RUVBL1: variants seen among roughly 807,000 people sequenced by gnomAD.
RUVBL1 encodes the protein RuvB like AAA ATPase 1.
A neutral mutation model predicts 52.4 loss-of-function variants in RUVBL1; 4 were observed. The ratio of observed to expected loss-of-function variants is 0.08; its 90% CI spans 0.04 to 0.17. The LOEUF (loss-of-function observed/expected upper bound fraction) is 0.17. RUVBL1 is among the 10% of genes least tolerant of loss of function. The pLI, the probability that RUVBL1 is intolerant of heterozygous loss-of-function variation, is 1.00. For missense variants in RUVBL1, 298 were observed against 572.8 expected, an observed-to-expected ratio of 0.52 and a Z score of 4.90; for synonymous variants, 217 against 214.4, an observed-to-expected ratio of 1.01 and a Z score of -0.10.
downstream of RUVBL1, among the ~76,000 whole-genome samples, chr3:128,078,336 A>T (rs1942386016): frequency 2.6e-5 from 4 of 152,242 alleles, no homozygotes; most frequent in South Asian, 8.3e-4. Context: ...CAACCCTAAG[A>T]CATGTGGCAG....
At chr3:128,110,832 T>TA (rs1022591238) in intron 3 of RUVBL1, among the ~76,000 whole-genome samples, 2 of 152,228 alleles carry the variant, frequency 1.3e-5, no homozygotes, top group Non-Finnish European at 2.9e-5. Flanking sequence ...TCCAAATTTA[T>TA]AAAAAATACT....
chr3:128,089,926 A>C (rs1439949980), intron 8 of RUVBL1, among the ~76,000 whole-genome samples: 8 of 150,528 alleles, frequency 5.3e-5, no homozygotes, highest in African/African-American at 1.7e-4. Context: ...AAAAAAAAAA[A>C]AAAAAAAAAA....
intron 1 of RUVBL1, among the ~76,000 whole-genome samples, chr3:128,128,878 C>T (rs1463325533): frequency 6.6e-6 from 1 of 152,190 alleles, no homozygotes; most frequent in African/African-American, 2.4e-5. Flanking sequence ...GGCATCTTTA[C>T]TATCTGGGTC....
intron 4 of RUVBL1, 28 bp from the exon 5 acceptor site, chr3:128,101,676 G>A (rs1314439659): frequency 1.9e-6 from 3 of 1,599,116 alleles, no homozygotes; most frequent in Admixed American, 1.7e-5. Context: ...AATCAGAAGT[G>A]TAATACATAT....
At chr3:128,138,453 T>C (rs192309323) in intron 1 of RUVBL1, among the ~76,000 whole-genome samples, 1 of 152,066 alleles carries the variant, frequency 6.6e-6, no homozygotes, top group East Asian at 1.9e-4. Flanking sequence ...GAAAATCCCA[T>C]TTGCAATATC....
chr3:128,153,728 C>T (rs750235500), exon 1 of RUVBL1: 11 of 1,555,332 alleles, frequency 7.1e-6, no homozygotes, highest in Non-Finnish European at 7.8e-6. Flanking sequence ...TTCCAGGCAG[C>T]GCCCGAGGCC....
intron 2 of RUVBL1, among the ~76,000 whole-genome samples, chr3:128,114,616 G>A (rs967356664): frequency 1.2e-4 from 19 of 152,146 alleles, no homozygotes; most frequent in African/African-American, 4.1e-4. Flanking sequence ...AGCACCTGGG[G>A]CTCAAGGCAG....
chr3:128,145,936 T>C (rs1944096950), intron 1 of RUVBL1, among the ~76,000 whole-genome samples: 1 of 152,158 alleles, frequency 6.6e-6, no homozygotes. Flanking sequence ...CTATATGCAC[T>C]GTGCTAAACC....
rs181447402 is a variant in RUVBL1 at position 128,142,641 on chromosome 3, C to T, written c.-40+10562G>A. The stretch of plus-strand genomic sequence containing the variant: ...AGGGCCACGTTCCTTTCCAGGGATT[C>T]TGGGGAAGAATCCATTTTCTCGCCT... On this transcript the variant is annotated intron_variant, in intron 1 of 9. Coordinates refer to the RUVBL1 transcript ENST00000464873. Among the ~76,000 whole-genome samples the T allele has an allele frequency of 5.9e-5, 9 of 152,286 alleles. No individual in the cohort carries two copies. In the East Asian group the frequency reaches 1.4e-3, roughly 23 times the overall value.
intron 3 of RUVBL1, among the ~76,000 whole-genome samples, chr3:128,111,128 G>T (rs1201662982): frequency 6.6e-6 from 1 of 151,576 alleles, no homozygotes; most frequent in African/African-American, 2.4e-5. Context: ...AGGAGGCTGA[G>T]GCACGAGAAT....
rs1245546654 is a variant in RUVBL1 at position 128,097,320 on chromosome 3, G to A, written c.996C>T (p.Asn332=). Reference sequence around the variant, plus strand: ...CCTACCTGATGACACAGTTGCCTCGGTTGGATGCAAAGATGACGATGGGAG... The same window carrying A: ...CCTACCTGATGACACAGTTGCCTCGATTGGATGCAAAGATGACGATGGGAG... The part of the protein sequence containing the change: ...SIAPIVIFAS[N]RGNCVIRGTE... Residue 332 remains asparagine (N), a synonymous_variant, in exon 8 of 11, where the codon AAC becomes AAT. Coordinates refer to ENST00000322623, the MANE Select transcript of RUVBL1 (RefSeq NM_003707.3). 1.2e-6 allele frequency: 2 copies of A among 1,614,216 alleles called. No individual in the cohort carries two copies. The highest frequency in any genetic ancestry group is 2.7e-5 in the African/African-American group (2 of 75,056).
intron 2 of RUVBL1, among the ~76,000 whole-genome samples, chr3:128,113,513 T>C (rs908572779): frequency 3.9e-5 from 6 of 152,224 alleles, no homozygotes; most frequent in African/African-American, 1.4e-4. Context: ...TGGTATAAAA[T>C]GGCAGGGTAT....
chr3:128,150,791 C>CTATATATTATATATTCTATATATTA (rs1944179724), intron 1 of RUVBL1, among the ~76,000 whole-genome samples: 1 of 69,806 alleles, frequency 1.4e-5, no homozygotes, highest in Non-Finnish European at 2.6e-5. Context: ...TATATATATT[C>CTATATATTATATATTCTATATATTA]TATATATTAT....
At chr3:128,069,683 G>A (rs1353898844) in intron 9 of RUVBL1, 3 of 1,610,182 alleles carry the variant, frequency 1.9e-6, no homozygotes, top group Non-Finnish European at 2.5e-6. Flanking sequence ...CGGACAGGTT[G>A]AGGAAGCTGC....
intron 3 of RUVBL1, among the ~76,000 whole-genome samples, chr3:128,105,865 CTTTTTTTTTT>C (rs11311563): frequency 0.018 from 1,574 of 89,030 alleles, 19 homozygotes; most frequent in Non-Finnish European, 0.023. Context: ...TTCCCTTTTT[CTTTTTTTTTT>C]TTTTTTTTTT....
intron 3 of RUVBL1, among the ~76,000 whole-genome samples, chr3:128,107,018 CTT>C (rs34777649): frequency 6.6e-6 from 1 of 152,150 alleles, no homozygotes; most frequent in Non-Finnish European, 1.5e-5. Context: ...GTTCTGCACA[CTT>C]TTCTGTACAT....
chr3:128,153,207 A>G (rs1944280342), exon 1 of RUVBL1: 4 of 1,305,006 alleles, frequency 3.1e-6, no homozygotes, highest in Admixed American at 4.1e-5. Flanking sequence ...ACTCACCCAG[A>G]AAGTCCAAAT....
At chr3:128,141,597 A>C (rs1050419962) in intron 1 of RUVBL1, among the ~76,000 whole-genome samples, 1 of 152,140 alleles carries the variant, frequency 6.6e-6, no homozygotes, top group Non-Finnish European at 1.5e-5. Context: ...CCCCAGATCA[A>C]GCGATTCTCC....
At position 128,150,876 on chromosome 3, in the gene RUVBL1, A is replaced by ATATATAATAT. The variant is rs1944187757; in HGVS notation, c.-40+2326_-40+2327insATATTATATA. On this transcript the variant is annotated intron_variant, in intron 1 of 9. Coordinates refer to the RUVBL1 transcript ENST00000464873. The stretch of plus-strand genomic sequence containing the variant: ...TATATATTATATATTATATATATAT[A>ATATATAATAT]TTCTATATATATATTCTATATATAT... 2.7e-4 allele frequency among the ~76,000 whole-genome samples: 18 copies of ATATATAATAT among 66,214 alleles called. 1 individual carries two copies. In the South Asian group the frequency reaches 7.8e-3, roughly 29 times the overall value. 43.4% of individuals were successfully genotyped at this position (66,214 alleles called of 152,430 possible). A position where few individuals can be genotyped will look rare whatever the true frequency, so the allele number is the denominator to read the frequency against.
Sources: gnomAD v4.1 joint callset for allele counts (sites outside exome capture counted in the v4.1 genomes callset) on GRCh38, gnomAD v4.1.1 for gene constraint, MANE v1.5 for transcripts, NCBI Gene and HGNC (gene_info 2026-07-23, HGNC 2026-07-21) for gene names.